GRID2: variants seen among roughly 807,000 people sequenced by gnomAD.
GRID2 encodes glutamate receptor ionotropic, delta-2.
A neutral mutation model predicts 114.8 loss-of-function variants in GRID2; 33 were observed. That is an observed-to-expected ratio of 0.29 (90% CI 0.22 to 0.38). The LOEUF (loss-of-function observed/expected upper bound fraction) is 0.38, where lower values mean the gene tolerates loss of function less well. Among genes scored for constraint, GRID2 ranks in the 10% least tolerant of loss-of-function variants. The probability of loss-of-function intolerance (pLI) is 1.00; values close to 1 mark genes in which losing one functional copy is unlikely to be tolerated. For missense variants in GRID2, 1,184 were observed against 1,257.7 expected, an observed-to-expected ratio of 0.94 and a Z score of 0.89; for synonymous variants, 505 against 449.9, an observed-to-expected ratio of 1.12 and a Z score of -1.55.
chr4:92,653,651 G>A (rs1352169877), intron 2 of GRID2, among the ~76,000 whole-genome samples: 1 of 151,914 alleles, frequency 6.6e-6, no homozygotes, highest in Non-Finnish European at 1.5e-5. Flanking sequence ...TTTTAATGAG[G>A]ACCTATTGTA....
At chr4:93,161,867 T>A (rs1047044818) in intron 4 of GRID2, among the ~76,000 whole-genome samples, 2 of 151,772 alleles carry the variant, frequency 1.3e-5, no homozygotes, top group African/African-American at 2.4e-5. Context: ...ATACTTTAAG[T>A]TTTTCTTATT....
chr4:92,750,219 C>G (rs909389960), intron 2 of GRID2, among the ~76,000 whole-genome samples: 1 of 152,122 alleles, frequency 6.6e-6, no homozygotes, highest in East Asian at 1.9e-4. Context: ...ATGAAGTCAC[C>G]ACTTCCCCTT....
intron 13 of GRID2, among the ~76,000 whole-genome samples, chr4:93,535,264 A>C (rs938254352): frequency 1.7e-4 from 25 of 150,236 alleles, no homozygotes; most frequent in African/African-American, 6.2e-4. Context: ...ACACACACAC[A>C]CACACACCAC....
At chr4:92,305,030 G>T (rs1031687419) in intron 1 of GRID2, among the ~76,000 whole-genome samples, 1 of 152,134 alleles carries the variant, frequency 6.6e-6, no homozygotes, top group Non-Finnish European at 1.5e-5. Context: ...GGGAACTGCA[G>T]GGGGATTCTA....
Position 92,485,560 on chromosome 4 carries a change from C to T in GRID2, c.89-104571C>T, listed in dbSNP as rs529765072. The stretch of plus-strand genomic sequence containing the variant: ...CAAAAATTAGCCAGGCATGGTGTCA[C>T]GTGCCTGTTGTCCCAGCTACTTGGT... On this transcript the variant is annotated intron_variant, in intron 1 of 15. Coordinates refer to ENST00000282020, the MANE Select transcript of GRID2 (RefSeq NM_001510.4). 2.3e-3 allele frequency among the ~76,000 whole-genome samples: 355 copies of T among 151,156 alleles called. 1 individual carries two copies. Among genetic ancestry groups the T allele is most frequent in the Non-Finnish European group, 3.4e-3 (232 of 67,778 alleles).
intron 1 of GRID2, among the ~76,000 whole-genome samples, chr4:92,397,340 GTA>G (rs1021111476): frequency 6.4e-4 from 75 of 116,382 alleles, no homozygotes; most frequent in African/African-American, 1.2e-3. Context: ...CTGTGTGTTT[GTA>G]TGTGTGTGTG....
intron 8 of GRID2, among the ~76,000 whole-genome samples, chr4:93,256,170 A>G (rs779854794): frequency 6.6e-6 from 1 of 151,858 alleles, no homozygotes; most frequent in Non-Finnish European, 1.5e-5. Context: ...CACATTTTTG[A>G]TGGTAGAAGT....
chr4:92,394,103 C>T (rs1730380614), intron 1 of GRID2, among the ~76,000 whole-genome samples: 1 of 152,090 alleles, frequency 6.6e-6, no homozygotes, highest in African/African-American at 2.4e-5. Flanking sequence ...ATCATATCTG[C>T]TAGGTTTTAT....
At chr4:92,522,116 G>A (rs1724813463) in intron 1 of GRID2, among the ~76,000 whole-genome samples, 1 of 151,836 alleles carries the variant, frequency 6.6e-6, no homozygotes, top group Admixed American at 6.6e-5. Context: ...GAGCATAGGA[G>A]TAGAGATAAT....
At position 93,206,430 on chromosome 4, in the gene GRID2, C is replaced by T. The variant is rs539711650; in HGVS notation, c.736-974C>T. Among the ~76,000 whole-genome samples the T allele has an allele frequency of 3.9e-5, 6 of 152,048 alleles. No homozygotes were observed. The South Asian group carries it at 1.2e-3, about 32-fold the overall frequency. On this transcript the variant is annotated intron_variant, in intron 4 of 15. Coordinates refer to ENST00000282020, the MANE Select transcript of GRID2 (RefSeq NM_001510.4). ...ATTTGAAAGCATCTTCATTTGAAAC[C>T]CAATCGCTGAGTATTATTGCTAAAA... is the stretch of plus-strand genomic sequence containing the variant.
At chr4:93,669,892 C>T (rs1724256901) in intron 14 of GRID2, among the ~76,000 whole-genome samples, 1 of 152,014 alleles carries the variant, frequency 6.6e-6, no homozygotes, top group African/African-American at 2.4e-5. Context: ...ATGATCTGGA[C>T]CTGGACGTTT....
intron 1 of GRID2, among the ~76,000 whole-genome samples, chr4:92,480,705 T>G (rs2149104294): frequency 6.6e-6 from 1 of 152,292 alleles, no homozygotes; most frequent in South Asian, 2.1e-4. Flanking sequence ...GGCTCTAACC[T>G]TAATTGCATC....
intron 2 of GRID2, among the ~76,000 whole-genome samples, chr4:93,029,897 C>G (rs888807741): frequency 5.9e-5 from 9 of 152,134 alleles, no homozygotes; most frequent in Admixed American, 5.9e-4. Context: ...ATGCTTTATT[C>G]ATGTGCCAGG....
intron 1 of GRID2, among the ~76,000 whole-genome samples, chr4:92,428,977 T>C (rs1732300763): frequency 1.3e-5 from 2 of 152,170 alleles, no homozygotes; most frequent in South Asian, 4.1e-4. Flanking sequence ...CAACCCGTCA[T>C]ATACATTAGC....
chr4:92,813,219 A>G (rs911340601), intron 2 of GRID2, among the ~76,000 whole-genome samples: 7 of 152,126 alleles, frequency 4.6e-5, no homozygotes, highest in African/African-American at 1.7e-4. Flanking sequence ...GCAAATTACC[A>G]TAGACTGGGA....
At chr4:93,270,848 C>T (rs541281022) in intron 8 of GRID2, among the ~76,000 whole-genome samples, 1 of 152,168 alleles carries the variant, frequency 6.6e-6, no homozygotes, top group East Asian at 1.9e-4. Context: ...AGGCTGGTCT[C>T]AAACTCCTGA....
chr4:92,609,299 C>G (rs1453589616), intron 2 of GRID2, among the ~76,000 whole-genome samples: 1 of 151,510 alleles, frequency 6.6e-6, no homozygotes, highest in African/African-American at 2.4e-5. Context: ...AAATATTTAT[C>G]GAGTGTCTAT....
intron 2 of GRID2, among the ~76,000 whole-genome samples, chr4:92,786,602 T>C (rs1049207952): frequency 1.3e-5 from 2 of 151,798 alleles, no homozygotes; most frequent in Admixed American, 6.6e-5. Flanking sequence ...GCAATGATAA[T>C]AGGGCATCAA....
intron 14 of GRID2, among the ~76,000 whole-genome samples, chr4:93,648,740 T>C (rs1413793657): frequency 6.6e-6 from 1 of 151,968 alleles, no homozygotes; most frequent in East Asian, 1.9e-4. Context: ...GCTGCTGATC[T>C]AGATCTAGTC....
Sources: allele counts gnomAD v4.1 joint callset (sites outside exome capture counted in the v4.1 genomes callset), GRCh38; gene constraint gnomAD v4.1.1; transcripts MANE v1.5; gene names NCBI Gene and HGNC (gene_info 2026-07-23, HGNC 2026-07-21).